The following PPP1R9A variants were observed in gnomAD, a reference collection of about 807,000 sequenced individuals.
PPP1R9A encodes the protein neurabin-1.
A neutral mutation model predicts 141.9 loss-of-function variants in PPP1R9A; 59 were observed. The observed-to-expected ratio is 0.42, with a 90% CI of 0.34 to 0.52. The LOEUF (loss-of-function observed/expected upper bound fraction) is 0.52. Among genes scored for constraint, PPP1R9A ranks in the 20% least tolerant of loss-of-function variants. The probability of loss-of-function intolerance (pLI) is 0.10; values close to 1 mark genes in which losing one functional copy is unlikely to be tolerated. For synonymous variants in PPP1R9A, 500 were observed against 569.7 expected (o/e 0.88, Z 1.74); for missense variants, 1,444 against 1,611.9 (o/e 0.90, Z 1.78).
At chr7:95,193,630 A>C (rs1481902142) in intron 5 of PPP1R9A, among the ~76,000 whole-genome samples, 2 of 152,010 alleles carry the variant, frequency 1.3e-5, no homozygotes, top group African/African-American at 2.4e-5. Flanking sequence ...GATAGGAAGA[A>C]ATTTGCAAAT....
intron 2 of PPP1R9A, among the ~76,000 whole-genome samples, chr7:94,961,324 T>A (rs1245498783): frequency 6.6e-6 from 1 of 151,638 alleles, no homozygotes; most frequent in Non-Finnish European, 1.5e-5. Context: ...CTTTTCAAAA[T>A]CATATCATGA....
intron 2 of PPP1R9A, among the ~76,000 whole-genome samples, chr7:95,059,614 A>T (rs1274776820): frequency 2.0e-5 from 3 of 152,102 alleles, no homozygotes; most frequent in African/African-American, 7.2e-5. Context: ...TTATTACTTC[A>T]TTTTTCTGTA....
In PPP1R9A at chr7:94,976,534, G is replaced by A. The variant is rs559419179; in HGVS notation, c.1395+65026G>A. On this transcript the variant is annotated intron_variant, in intron 2 of 19. Transcript: ENST00000433360. ...TTTTTATATTTTTAGTGGAGACGGG[G>A]TTTCAGTGTGTTAGCCAGGATGGTC... Among the ~76,000 whole-genome samples the A allele has an allele frequency of 3.9e-5, 6 of 152,112 alleles. No homozygotes were observed. In the South Asian group the frequency reaches 6.2e-4, roughly 16 times the overall value.
At chr7:95,198,557 A>G (rs1676596161) in intron 6 of PPP1R9A, 73 bp downstream of exon 6, 8 of 1,429,496 alleles carry the variant, frequency 5.6e-6, no homozygotes, top group East Asian at 2.4e-5. Flanking sequence ...GTATAACAGT[A>G]TGACAGGTTT....
chr7:95,207,126 C>T lies in PPP1R9A; in HGVS notation c.1956+3396C>T, dbSNP rs117968320. ...ACTCAAAGAAAAAAAGTTAAAGTTT[C>T]GAGAAATATGAGTTGACGGTTTCAA... On this transcript the variant is annotated intron_variant, in intron 7 of 19. Coordinates refer to ENST00000433360, the MANE Select transcript of PPP1R9A (RefSeq NM_001166160.2). Among the ~76,000 whole-genome samples, 36 of 150,604 alleles carry T rather than the reference C, an allele frequency of 2.4e-4. 1 individual carries two copies. In the South Asian group the frequency reaches 4.2e-3, roughly 18 times the overall value.
chr7:95,217,591 G>A (rs574877223), intron 7 of PPP1R9A, among the ~76,000 whole-genome samples: 21 of 152,146 alleles, frequency 1.4e-4, no homozygotes, highest in African/African-American at 3.6e-4. Context: ...CTGTGAATCC[G>A]TCTGGTCCTG....
chr7:95,078,696 A>G (rs1206076290), intron 2 of PPP1R9A, among the ~76,000 whole-genome samples: 1 of 151,890 alleles, frequency 6.6e-6, no homozygotes, highest in Non-Finnish European at 1.5e-5. Context: ...ATGCTATCTC[A>G]TTGTGGTTTT....
chr7:95,144,150 T>C (rs1395717784), intron 4 of PPP1R9A, among the ~76,000 whole-genome samples: 1 of 152,084 alleles, frequency 6.6e-6, no homozygotes, highest in African/African-American at 2.4e-5. Context: ...CTCTCCCCAT[T>C]TGCCCCACTC....
chr7:95,248,592 A>G (rs1164692022), intron 9 of PPP1R9A, among the ~76,000 whole-genome samples: 1 of 152,210 alleles, frequency 6.6e-6, no homozygotes, highest in African/African-American at 2.4e-5. Flanking sequence ...GTCTCTTGAC[A>G]TAGAAAGAAT....
At chr7:95,200,184 A>G (rs1389059115) in intron 6 of PPP1R9A, among the ~76,000 whole-genome samples, 1 of 152,002 alleles carries the variant, frequency 6.6e-6, no homozygotes, top group Non-Finnish European at 1.5e-5. Context: ...CAAGTAAAAC[A>G]TTTAGATCAC....
intron 16 of PPP1R9A, among the ~76,000 whole-genome samples, chr7:95,281,533 T>C (rs1245013122): frequency 6.6e-6 from 1 of 152,200 alleles, no homozygotes; most frequent in East Asian, 1.9e-4. Context: ...TTATTAGTCT[T>C]GAATATTTTT....
chr7:95,078,948 G>C (rs1432986952), intron 2 of PPP1R9A, among the ~76,000 whole-genome samples: 1 of 152,050 alleles, frequency 6.6e-6, no homozygotes, highest in African/African-American at 2.4e-5. Context: ...TCACTCTGAT[G>C]GTAGTTTCTT....
rs181671128 is a variant in PPP1R9A, at chr7:95,122,046, A to T, written c.1649+1214A>T. 9.6e-4 allele frequency among the ~76,000 whole-genome samples: 146 copies of T among 152,188 alleles called. 1 individual carries two copies. The highest frequency in any genetic ancestry group is 4.4e-5 in the Non-Finnish European group (3 of 68,012). ...ATGTACATTTAATGAATAGCTTTAA[A>T]TTTTTTTATGTTTAAGTATGTATCA... is the stretch of plus-strand genomic sequence containing the variant. On this transcript the variant is annotated intron_variant, in intron 4 of 19. Coordinates refer to ENST00000433360, the MANE Select transcript of PPP1R9A (RefSeq NM_001166160.2).
Position 94,910,012 on chromosome 7 carries a change from T to G in PPP1R9A, c.-102T>G. On this transcript the variant is annotated 5_prime_UTR_variant, in exon 2 of 20. Coordinates refer to ENST00000433360, the MANE Select transcript of PPP1R9A (RefSeq NM_001166160.2). This position sits in a 1 kb window ranked among gnomAD's most constrained non-coding sequence, Gnocchi z 4.5. ...ACACCGTATACCATTTGAGAGGTAC[T>G]TTTCTTGACCCAATACTGGTGATTA... 1 of 1,033,046 alleles carries G rather than the reference T, an allele frequency of 9.7e-7. No individual in the cohort carries two copies. Among genetic ancestry groups the G allele is most frequent in the Non-Finnish European group, 1.4e-6 (1 of 705,788 alleles). 64.0% of individuals were successfully genotyped at this position (1,033,046 alleles called of 1,614,324 possible).
intron 2 of PPP1R9A, among the ~76,000 whole-genome samples, chr7:95,029,925 C>T (rs1018522976): frequency 1.3e-5 from 2 of 152,144 alleles, no homozygotes; most frequent in African/African-American, 2.4e-5. Context: ...TGTTTTAAAG[C>T]GACAGCAGGC....
chr7:95,282,364 G>T (rs1220369117), intron 16 of PPP1R9A, among the ~76,000 whole-genome samples: 2 of 152,072 alleles, frequency 1.3e-5, no homozygotes, highest in African/African-American at 4.8e-5. Flanking sequence ...AATTGTGGGT[G>T]CATAGATAGT....
intron 4 of PPP1R9A, among the ~76,000 whole-genome samples, chr7:95,159,925 C>CAA (rs751687197): frequency 0.13 from 14,280 of 106,336 alleles, 887 homozygotes; most frequent in East Asian, 0.18. Flanking sequence ...GACATTGTCT[C>CAA]AAAAAAAAAA....
intron 2 of PPP1R9A, among the ~76,000 whole-genome samples, chr7:94,965,952 G>A (rs575554526): frequency 1.5e-4 from 23 of 152,264 alleles, no homozygotes; most frequent in African/African-American, 5.3e-4. Context: ...CTATCCATGA[G>A]TATGGAATGT....
intron 2 of PPP1R9A, among the ~76,000 whole-genome samples, chr7:95,023,715 C>A (rs534689576): frequency 1.3e-5 from 2 of 152,066 alleles, no homozygotes; most frequent in African/African-American, 4.8e-5. Flanking sequence ...CCACACCTGG[C>A]TAATTCTTTT....
Sources: allele counts gnomAD v4.1 joint callset (sites outside exome capture counted in the v4.1 genomes callset), GRCh38; gene constraint gnomAD v4.1.1; non-coding constraint Gnocchi (gnomAD v3.1); transcripts MANE v1.5; gene names NCBI Gene and HGNC (gene_info 2026-07-23, HGNC 2026-07-21).